ATP2B1: variants seen among roughly 807,000 people sequenced by gnomAD.
The protein encoded by ATP2B1 is ATPase plasma membrane Ca2+ transporting 1.
In ATP2B1, 14 loss-of-function variants were observed where a neutral mutation model predicts 124.2. The observed-to-expected ratio is 0.11, with a 90% CI of 0.07 to 0.18. ATP2B1 has a LOEUF of 0.18. Ranked by LOEUF, ATP2B1 falls within the 10% of genes least tolerant of loss-of-function variation. ATP2B1 has a pLI of 1.00. For missense variants in ATP2B1, 763 were observed against 1,466.1 expected (o/e 0.52, Z 7.83); for synonymous variants, 449 against 492.4 (o/e 0.91, Z 1.17).
At chr12:89,708,953 C>G (rs996866692), upstream of ATP2B1, 4 of 151,608 alleles carry the variant, frequency 2.6e-5, no homozygotes, top group Non-Finnish European at 5.9e-5. Flanking sequence ...CTCCTCGGCT[C>G]CGCAGAGCGG....
At chr12:89,593,176 C>G (rs1260325406) in intron 20 of ATP2B1, 2 of 151,954 alleles carry the variant, frequency 1.3e-5, no homozygotes, top group Non-Finnish European at 2.9e-5. Flanking sequence ...GTAATTCATT[C>G]AGTGTTTTAT....
At chr12:89,674,819 T>G (rs1165884626) in intron 1 of ATP2B1, among the ~76,000 whole-genome samples, 1 of 152,182 alleles carries the variant, frequency 6.6e-6, no homozygotes, top group Non-Finnish European at 1.5e-5. Context: ...TATGGAGGCA[T>G]GGAACCACAC....
At chr12:89,612,599 C>G (rs990189535) in intron 12 of ATP2B1, among the ~76,000 whole-genome samples, 7 of 152,202 alleles carry the variant, frequency 4.6e-5, no homozygotes, top group African/African-American at 1.7e-4. Context: ...TAACTCCCCC[C>G]GCCCAACAAA....
At chr12:89,668,391 C>A (rs564115073) in intron 1 of ATP2B1, among the ~76,000 whole-genome samples, 38 of 152,180 alleles carry the variant, frequency 2.5e-4, no homozygotes, top group Non-Finnish European at 3.1e-4. Flanking sequence ...AATAAGATAA[C>A]CAGCACACAC....
intron 10 of ATP2B1, 89 bp from the exon 11 acceptor site, chr12:89,620,329 T>C (rs1418174906): frequency 2.8e-6 from 4 of 1,441,646 alleles, no homozygotes; most frequent in Non-Finnish European, 2.8e-6. Context: ...TATTCTAAAA[T>C]AAAATTACAA....
chr12:89,593,302 T>G (rs1373449767), intron 20 of ATP2B1: 1 of 151,986 alleles, frequency 6.6e-6, no homozygotes, highest in Admixed American at 6.6e-5. Flanking sequence ...AAAAAAAAAT[T>G]TGTTGGTATC....
intron 1 of ATP2B1, among the ~76,000 whole-genome samples, chr12:89,705,919 G>A (rs1438176315): frequency 6.6e-6 from 1 of 152,132 alleles, no homozygotes; most frequent in Non-Finnish European, 1.5e-5. Context: ...AGATAGAAGG[G>A]CAGTAATATT....
At chr12:89,627,765 G>A (rs1881128304) in intron 6 of ATP2B1, 49 bp from the exon 7 acceptor site, 2 of 1,569,374 alleles carry the variant, frequency 1.3e-6, no homozygotes, top group Non-Finnish European at 1.8e-6. Context: ...AATGAATACA[G>A]CCATGCTAAA....
intron 15 of ATP2B1, 73 bp downstream of exon 15, chr12:89,609,864 C>CAACAAACA: frequency 1.5e-6 from 2 of 1,365,434 alleles, no homozygotes; most frequent in Non-Finnish European, 2.1e-6. Flanking sequence ...GTAATTTAGT[C>CAACAAACA]AACAAACAAA....
intron 15 of ATP2B1, among the ~76,000 whole-genome samples, chr12:89,608,734 T>C (rs1278438090): frequency 6.6e-6 from 1 of 152,176 alleles, no homozygotes; most frequent in Non-Finnish European, 1.5e-5. Flanking sequence ...AGAATGTAAA[T>C]AGCAATAAGA....
chr12:89,635,063 C>G lies in ATP2B1; in HGVS notation c.595G>C (p.Gly199Arg). The stretch of plus-strand genomic sequence containing the variant: ...ACAGGTATCTGAATGACCTGACCAC[C>G]CCTGATGACAGTGAACTTCTGTTCT... The part of the protein sequence containing the change: ...EQEQKFTVIR[G>R]GQVIQIPVAD... Residue 199 changes from glycine to arginine, a missense_variant, in exon 4 of 21, where the codon GGT becomes CGT. Gly to Arg is a moderately radical substitution (Grantham distance 125). Transcript: ENST00000428670. 1 of 1,613,928 alleles carries G rather than the reference C, an allele frequency of 6.2e-7. No individual in the cohort carries two copies. The highest frequency in any genetic ancestry group is 8.5e-7 in the Non-Finnish European group (1 of 1,179,886).
At chr12:89,697,729 C>A (rs57507157) in intron 1 of ATP2B1, among the ~76,000 whole-genome samples, 2,145 of 144,784 alleles carry the variant, frequency 0.015, 49 homozygotes, top group African/African-American at 0.053. Context: ...CCACCCCCAC[C>A]GTTTTTTCAA....
intron 2 of ATP2B1, among the ~76,000 whole-genome samples, chr12:89,649,437 C>A (rs571892438): frequency 6.6e-6 from 1 of 152,334 alleles, no homozygotes; most frequent in South Asian, 2.1e-4. Flanking sequence ...GGGTTTCAGA[C>A]TTGTGTGGTC....
At chr12:89,601,873 G>GA (rs1393774217) in intron 18 of ATP2B1, among the ~76,000 whole-genome samples, 2 of 151,990 alleles carry the variant, frequency 1.3e-5, no homozygotes, top group African/African-American at 2.4e-5. Context: ...TATGTTACTG[G>GA]AAAAATGCAC....
intron 1 of ATP2B1, among the ~76,000 whole-genome samples, chr12:89,674,253 C>CT (rs947849844): frequency 1.3e-5 from 2 of 150,856 alleles, no homozygotes; most frequent in Non-Finnish European, 2.9e-5. Context: ...CTGGTTGATT[C>CT]TTTTTTTAAC....
chr12:89,616,127 A>T (rs528022934), intron 12 of ATP2B1, among the ~76,000 whole-genome samples: 1 of 152,182 alleles, frequency 6.6e-6, no homozygotes, highest in Non-Finnish European at 1.5e-5. Flanking sequence ...TTCGTCCCAC[A>T]TAAGACAGTA....
chr12:89,670,834 G>T (rs1887873598), intron 1 of ATP2B1, among the ~76,000 whole-genome samples: 1 of 151,598 alleles, frequency 6.6e-6, no homozygotes, highest in Non-Finnish European at 1.5e-5. Context: ...TGATCTAAAT[G>T]TAAAGAGAAA....
At chr12:89,642,592 GTTTT>G (rs1297702551) in intron 2 of ATP2B1, among the ~76,000 whole-genome samples, 1 of 151,842 alleles carries the variant, frequency 6.6e-6, no homozygotes, top group Non-Finnish European at 1.5e-5. Flanking sequence ...GCTTAGTTTT[GTTTT>G]TTGTTTTTTA....
intron 2 of ATP2B1, among the ~76,000 whole-genome samples, chr12:89,655,098 G>C (rs1885798386): frequency 6.6e-6 from 1 of 152,070 alleles, no homozygotes; most frequent in Non-Finnish European, 1.5e-5. Context: ...GAAACCAAAG[G>C]CTTCTGTGAA....
Sources: gnomAD v4.1 joint callset for allele counts (sites outside exome capture counted in the v4.1 genomes callset) on GRCh38, gnomAD v4.1.1 for gene constraint, MANE v1.5 for transcripts, NCBI Gene and HGNC (gene_info 2026-07-23, HGNC 2026-07-21) for gene names.